The following LTBP1 variants were observed in gnomAD, a reference collection of about 807,000 sequenced individuals.
LTBP1 encodes the protein latent-transforming growth factor beta-binding protein 1.
LTBP1 carries 129 observed loss-of-function variants against 207.6 expected under a neutral mutation model. That is an observed-to-expected ratio of 0.62 (90% CI 0.54 to 0.72). LTBP1 has a LOEUF of 0.72. Ranked by LOEUF, LTBP1 falls within the 30% of genes least tolerant of loss-of-function variation. LTBP1 has a pLI of 0.00. For missense variants in LTBP1, 2,281 were observed against 2,217.2 expected (o/e 1.03, Z -0.58); for synonymous variants, 963 against 833.7 (o/e 1.16, Z -2.67).
chr2:33,047,046 A>T (rs920793812), intron 3 of LTBP1, among the ~76,000 whole-genome samples: 1 of 151,960 alleles, frequency 6.6e-6, no homozygotes, highest in Admixed American at 6.6e-5. Context: ...TATTTTATTA[A>T]TCTTTTCCAA....
intron 3 of LTBP1, among the ~76,000 whole-genome samples, chr2:33,101,767 A>G (rs2079755193): frequency 6.6e-6 from 1 of 152,186 alleles, no homozygotes; most frequent in Non-Finnish European, 1.5e-5. Flanking sequence ...GTTTTAGATA[A>G]GCTCTCCTCA....
At chr2:33,261,483 A>G (rs2093007513) in intron 13 of LTBP1, among the ~76,000 whole-genome samples, 1 of 152,264 alleles carries the variant, frequency 6.6e-6, no homozygotes, top group Non-Finnish European at 1.5e-5. Context: ...AGAGGAAGCC[A>G]GTTAGATTAT....
intron 6 of LTBP1, 37 bp from the exon 7 acceptor site, chr2:33,188,540 T>C (rs2087467803): frequency 6.4e-7 from 1 of 1,557,034 alleles, no homozygotes; most frequent in Admixed American, 1.8e-5. Context: ...CTGTTAGTTA[T>C]TCAGGACTAA....
intron 11 of LTBP1, among the ~76,000 whole-genome samples, chr2:33,253,881 C>CT (rs61042956): frequency 0.013 from 1,358 of 101,702 alleles, 213 homozygotes; most frequent in East Asian, 0.054. Context: ...ATCTGATGCA[C>CT]TTTTTTTTTT....
At chr2:33,135,520 A>T (rs893764403) in intron 5 of LTBP1, among the ~76,000 whole-genome samples, 4 of 152,164 alleles carry the variant, frequency 2.6e-5, no homozygotes, top group African/African-American at 9.7e-5. Context: ...ATTGATATAT[A>T]ACGTGGATTT....
intron 5 of LTBP1, among the ~76,000 whole-genome samples, chr2:33,182,306 G>A (rs1025398773): frequency 6.6e-6 from 1 of 152,046 alleles, no homozygotes; most frequent in Non-Finnish European, 1.5e-5. Flanking sequence ...AGAGTTCAAA[G>A]TCTACTGCTG....
intron 2 of LTBP1, among the ~76,000 whole-genome samples, chr2:33,016,312 C>G (rs1688369483): frequency 6.6e-6 from 1 of 151,972 alleles, no homozygotes; most frequent in African/African-American, 2.4e-5. Flanking sequence ...CCTTGGTCAG[C>G]TAAAATGTGT....
Position 33,283,658 on chromosome 2 carries a change from G to A in LTBP1, c.3112+3500G>A, listed in dbSNP as rs545715509. 3.4e-3 allele frequency among the ~76,000 whole-genome samples: 512 copies of A among 152,068 alleles called. 4 individuals are homozygous for A. Among genetic ancestry groups the A allele is most frequent in the African/African-American group, 0.012 (491 of 41,502 alleles). The stretch of plus-strand genomic sequence containing the variant: ...TCACCATGTTAGCCAGGATGGTCTG[G>A]ATCTCCTGACCTCGTGATCCACCCG... On this transcript the variant is annotated intron_variant, in intron 19 of 33. Coordinates refer to ENST00000404816, the MANE Select transcript of LTBP1 (RefSeq NM_206943.4).
chr2:33,396,037 ACT>A (rs1291345393), intron 32 of LTBP1, among the ~76,000 whole-genome samples: 1 of 151,774 alleles, frequency 6.6e-6, no homozygotes, highest in African/African-American at 2.4e-5. Flanking sequence ...AGAGCTAAAC[ACT>A]CTTGATGCCT....
chr2:33,057,778 C>T (rs1469833051), intron 3 of LTBP1, among the ~76,000 whole-genome samples: 1 of 152,246 alleles, frequency 6.6e-6, no homozygotes, highest in East Asian at 1.9e-4. Context: ...GCAAGCACCA[C>T]GTGCAGCCCC....
intron 5 of LTBP1, among the ~76,000 whole-genome samples, chr2:33,179,192 T>C (rs1001359771): frequency 4.7e-5 from 7 of 150,024 alleles, no homozygotes; most frequent in Non-Finnish European, 1.0e-4. Context: ...ATGAGATCTT[T>C]CTGTGATTTT....
chr2:33,204,438 C>G (rs1021215959), intron 7 of LTBP1, among the ~76,000 whole-genome samples: 4 of 152,144 alleles, frequency 2.6e-5, no homozygotes, highest in African/African-American at 9.7e-5. Flanking sequence ...TTGTATATTT[C>G]TAAATATTTT....
intron 3 of LTBP1, among the ~76,000 whole-genome samples, chr2:33,069,285 C>T (rs555705338): frequency 9.2e-5 from 14 of 152,260 alleles, no homozygotes; most frequent in African/African-American, 2.6e-4. Context: ...CCTCCCTCCC[C>T]GCCCCACTCC....
intron 3 of LTBP1, among the ~76,000 whole-genome samples, chr2:33,090,177 C>T (rs1183009702): frequency 7.8e-6 from 1 of 128,940 alleles, no homozygotes; most frequent in Non-Finnish European, 1.8e-5. Flanking sequence ...TTCATTTGCT[C>T]TGTCTTTCAG....
chr2:33,019,916 G>T (rs957931849), intron 2 of LTBP1, among the ~76,000 whole-genome samples: 1 of 140,236 alleles, frequency 7.1e-6, no homozygotes, highest in Admixed American at 7.4e-5. Flanking sequence ...GTCTTACTAC[G>T]TTGCTGAGGC....
intron 10 of LTBP1, among the ~76,000 whole-genome samples, chr2:33,251,334 T>C (rs2092677651): frequency 6.6e-6 from 1 of 152,112 alleles, no homozygotes; most frequent in Admixed American, 6.5e-5. Flanking sequence ...GCACCACAGA[T>C]AACATCTTCA....
At chr2:33,294,141 G>A (rs1416523176) in intron 20 of LTBP1, among the ~76,000 whole-genome samples, 1 of 151,554 alleles carries the variant, frequency 6.6e-6, no homozygotes, top group African/African-American at 2.4e-5. Flanking sequence ...GAGTAGCTGG[G>A]ATTACAGGCA....
At chr2:33,021,667 G>C (rs2075174984) in intron 3 of LTBP1, among the ~76,000 whole-genome samples, 1 of 152,168 alleles carries the variant, frequency 6.6e-6, no homozygotes, top group South Asian at 2.1e-4. Context: ...TCCTTGCAAA[G>C]AGAGAATTTC....
chr2:33,138,989 G>A (rs1226258977), intron 5 of LTBP1, among the ~76,000 whole-genome samples: 2 of 150,078 alleles, frequency 1.3e-5, no homozygotes, highest in Non-Finnish European at 3.0e-5. Context: ...CTCCCGAGTA[G>A]CTGGGACTAC....
Sources: gnomAD v4.1 joint callset for allele counts (sites outside exome capture counted in the v4.1 genomes callset) on GRCh38, gnomAD v4.1.1 for gene constraint, MANE v1.5 for transcripts, NCBI Gene and HGNC (gene_info 2026-07-23, HGNC 2026-07-21) for gene names.